The following MME variants were observed in gnomAD, a reference collection of about 807,000 sequenced individuals.
The protein encoded by MME is membrane metalloendopeptidase, also known as neprilysin.
Under a neutral mutation model 113.2 loss-of-function variants are expected in MME, and 98 were observed. The observed-to-expected ratio is 0.87, with a 90% confidence interval of 0.74 to 1.02. The LOEUF (loss-of-function observed/expected upper bound fraction) is 1.02, where lower values mean the gene tolerates loss of function less well. Among genes scored for constraint, MME ranks in the 50% least tolerant of loss-of-function variants. MME has a pLI of 0.00. For missense variants in MME, 836 were observed against 896.0 expected, an observed-to-expected ratio of 0.93 and a Z score of 0.86; for synonymous variants, 292 against 300.6, an observed-to-expected ratio of 0.97 and a Z score of 0.30.
upstream of MME, among the ~76,000 whole-genome samples, chr3:155,077,924 G>T (rs967307949): frequency 6.7e-6 from 1 of 149,916 alleles, no homozygotes; most frequent in Non-Finnish European, 1.5e-5. Flanking sequence ...AGTCCTCACC[G>T]CCAGGCATGA....
chr3:155,068,602 C>T (rs1428950997), intron 1 of MME, among the ~76,000 whole-genome samples: 2 of 152,104 alleles, frequency 1.3e-5, no homozygotes, highest in Admixed American at 1.3e-4. Context: ...TTCTAACAGG[C>T]CTAGCATAGC....
intron 16 of MME, chr3:155,158,519 C>G (rs1722473215): frequency 6.6e-6 from 1 of 152,078 alleles, no homozygotes; most frequent in African/African-American, 2.4e-5. Flanking sequence ...TCTTGCCAGA[C>G]AGCTTGGAAT....
chr3:155,132,632 T>C (rs1436598782), intron 8 of MME, among the ~76,000 whole-genome samples: 1 of 152,158 alleles, frequency 6.6e-6, no homozygotes, highest in Non-Finnish European at 1.5e-5. Context: ...ATCTACCTTA[T>C]GACTGTCAAA....
intron 1 of MME, among the ~76,000 whole-genome samples, chr3:155,054,998 G>T (rs1264960570): frequency 2.0e-5 from 3 of 152,118 alleles, no homozygotes; most frequent in Non-Finnish European, 4.4e-5. Flanking sequence ...TTGAAAAATT[G>T]TTTGGAGCAT....
chr3:155,149,937 GGAAA>G (rs889210815), intron 16 of MME, among the ~76,000 whole-genome samples: 3 of 152,072 alleles, frequency 2.0e-5, no homozygotes, highest in African/African-American at 7.2e-5. Context: ...GTCCCATCTG[GGAAA>G]GAAAGAGAGT....
intron 1 of MME, among the ~76,000 whole-genome samples, chr3:155,067,513 GT>G (rs1472041002): frequency 6.6e-6 from 1 of 151,812 alleles, no homozygotes; most frequent in Admixed American, 6.6e-5. Flanking sequence ...GTTTCACCGT[GT>G]TGGTCAGGCT....
Position 155,073,216 on chromosome 3 carries a change from T to A in MME, c.-10-10942T>A, listed in dbSNP as rs79078308. ...ACTACAACCAGTCAGCTAAATCCAA[T>A]AGAGGTCAGTGGCCCATTTCCGAGC... On this transcript the variant is annotated intron_variant, in intron 1 of 22. Transcript: ENST00000492661. Among the ~76,000 whole-genome samples, 23 of 152,220 alleles carry A rather than the reference T, an allele frequency of 1.5e-4. No homozygotes were observed. In the East Asian group the frequency reaches 4.5e-3, roughly 29 times the overall value.
chr3:155,148,734 C>T, intron 16 of MME, 81 bp downstream of exon 16: 1 of 1,040,882 alleles, frequency 9.6e-7, no homozygotes, highest in South Asian at 1.3e-5. Flanking sequence ...GTGAAAGAGC[C>T]TCAGTTAGAA....
At chr3:155,164,804 T>C (rs1722968870) in intron 17 of MME, among the ~76,000 whole-genome samples, 1 of 152,208 alleles carries the variant, frequency 6.6e-6, no homozygotes, top group Admixed American at 6.5e-5. Flanking sequence ...GGTATAACTT[T>C]CATAAAAATT....
intron 8 of MME, among the ~76,000 whole-genome samples, chr3:155,122,110 A>C (rs1719199255): frequency 7.5e-6 from 1 of 133,320 alleles, no homozygotes; most frequent in Non-Finnish European, 1.6e-5. Context: ...TTATTGGTCT[A>C]TTCAGAGATT....
At chr3:155,163,745 G>C (rs954972625) in intron 17 of MME, among the ~76,000 whole-genome samples, 1 of 152,078 alleles carries the variant, frequency 6.6e-6, no homozygotes, top group Non-Finnish European at 1.5e-5. Context: ...AATACCTTGA[G>C]ATAGTTAAAT....
chr3:155,165,136 G>T (rs61760384), intron 17 of MME, among the ~76,000 whole-genome samples: 2 of 151,454 alleles, frequency 1.3e-5, no homozygotes, highest in Admixed American at 6.6e-5. Context: ...ATACTGAAGG[G>T]TTTTTTTTTA....
At chr3:155,082,666 A>C (rs1403503223) in intron 1 of MME, among the ~76,000 whole-genome samples, 1 of 152,168 alleles carries the variant, frequency 6.6e-6, no homozygotes, top group African/African-American at 2.4e-5. Flanking sequence ...AAATATTTTT[A>C]TTTGATAGTC....
At chr3:155,043,134 CT>C (rs1713419153) in intron 1 of MME, among the ~76,000 whole-genome samples, 1 of 149,142 alleles carries the variant, frequency 6.7e-6, no homozygotes, top group Admixed American at 6.7e-5. Context: ...GTTTTGTGCC[CT>C]GCTTAGAAGG....
At chr3:155,133,663 CATATATATAT>C (rs61223926) in intron 8 of MME, among the ~76,000 whole-genome samples, 45 of 136,802 alleles carry the variant, frequency 3.3e-4, no homozygotes, top group African/African-American at 7.1e-4. Context: ...ATACACACAC[CATATATATAT>C]ATATATATAT....
chr3:155,114,929 T>A, intron 3 of MME, 65 bp from the exon 4 acceptor site: 2 of 1,539,776 alleles, frequency 1.3e-6, no homozygotes, highest in Non-Finnish European at 1.8e-6. Flanking sequence ...TAAGCCTTTT[T>A]CTCCTTTTAA....
At chr3:155,097,178 C>T (rs1321365436) in intron 3 of MME, among the ~76,000 whole-genome samples, 1 of 152,030 alleles carries the variant, frequency 6.6e-6, no homozygotes, top group Non-Finnish European at 1.5e-5. Context: ...ATTTGAGATA[C>T]TGGTACATAT....
Position 155,142,080 on chromosome 3 carries a change from A to C in MME, c.1047A>C (p.Pro349=), listed in dbSNP as rs35152996. Residue 349 remains proline (P), a synonymous_variant, in exon 11 of 23, where the codon CCA becomes CCC. Transcript: ENST00000360490. The part of the protein sequence containing the change: ...TNEEDVVVYA[P]EYLTKLKPIL... ...AGGAAGATGTGGTTGTTTATGCTCC[A>C]GAATATTTAACCAAACTTAAGCCCA... 1 of 1,613,856 alleles carries C rather than the reference A, an allele frequency of 6.2e-7. No homozygotes were observed. The highest frequency in any genetic ancestry group is 1.1e-5 in the South Asian group (1 of 91,080).
chr3:155,083,810 TTAA>T (rs61761171), intron 1 of MME: 13 of 271,662 alleles, frequency 4.8e-5, no homozygotes, highest in Admixed American at 1.0e-4. Flanking sequence ...TAAAACTTTC[TTAA>T]TGATGGTACA....
Sources: gnomAD v4.1 joint callset for allele counts (sites outside exome capture counted in the v4.1 genomes callset) on GRCh38, gnomAD v4.1.1 for gene constraint, MANE v1.5 for transcripts, NCBI Gene and HGNC (gene_info 2026-07-23, HGNC 2026-07-21) for gene names.